The following HACE1 variants were observed in gnomAD, a reference collection of about 807,000 sequenced individuals.
HACE1 encodes HECT domain and ankyrin repeat containing E3 ubiquitin protein ligase 1.
Under a neutral mutation model 118.4 loss-of-function variants are expected in HACE1, and 73 were observed. That is an observed-to-expected ratio of 0.62 (90% CI 0.51 to 0.75). The LOEUF (loss-of-function observed/expected upper bound fraction) is 0.75, where lower values mean the gene tolerates loss of function less well. HACE1 is among the 30% of genes least tolerant of loss of function. The pLI is 0.00. For missense variants in HACE1, 749 were observed against 1,102.2 expected, an observed-to-expected ratio of 0.68 and a Z score of 4.54; for synonymous variants, 368 against 374.8, an observed-to-expected ratio of 0.98 and a Z score of 0.21.
chr6:104,812,120 TA>T (rs11324245), intron 6 of HACE1, among the ~76,000 whole-genome samples: 79,763 of 149,746 alleles, frequency 0.53, 21,645 homozygotes, highest in African/African-American at 0.67. Flanking sequence ...TGAAAACCTT[TA>T]AAAAAAAAAA....
intron 14 of HACE1, among the ~76,000 whole-genome samples, chr6:104,781,675 C>T (rs1394359422): frequency 1.3e-5 from 2 of 152,090 alleles, no homozygotes; most frequent in Non-Finnish European, 2.9e-5. Flanking sequence ...CTGACATGGC[C>T]CCTGCATCCC....
intron 7 of HACE1, among the ~76,000 whole-genome samples, chr6:104,802,099 G>C (rs571384553): frequency 3.3e-5 from 5 of 150,000 alleles, no homozygotes; most frequent in African/African-American, 1.2e-4. Flanking sequence ...TTAGACGAAG[G>C]AAGATCAAAA....
chr6:104,829,554 G>C (rs1773654727), intron 6 of HACE1, among the ~76,000 whole-genome samples: 2 of 152,132 alleles, frequency 1.3e-5, no homozygotes, highest in Admixed American at 1.3e-4. Context: ...AAAATAATCA[G>C]TGCTAAGCAT....
chr6:104,730,530 A>T, intron 22 of HACE1, 114 bp from the exon 23 acceptor site: 1 of 690,140 alleles, frequency 1.4e-6, no homozygotes, highest in Non-Finnish European at 2.6e-6. Context: ...CAATGACAAC[A>T]CGACACTTTT....
chr6:104,751,478 T>A (rs1292852695), intron 19 of HACE1, among the ~76,000 whole-genome samples: 1 of 152,058 alleles, frequency 6.6e-6, no homozygotes, highest in Non-Finnish European at 1.5e-5. Flanking sequence ...TAACTGGTAA[T>A]AAGCAGAGGG....
intron 19 of HACE1, among the ~76,000 whole-genome samples, chr6:104,761,426 C>T (rs558461656): frequency 1.5e-4 from 23 of 152,142 alleles, no homozygotes; most frequent in Admixed American, 5.9e-4. Flanking sequence ...TTGACAAATC[C>T]GACACACATA....
chr6:104,751,605 G>A (rs769076847), intron 19 of HACE1, among the ~76,000 whole-genome samples: 1 of 151,820 alleles, frequency 6.6e-6, no homozygotes, highest in African/African-American at 2.4e-5. Flanking sequence ...ACTCCAACCC[G>A]GGCAACAGGG....
chr6:104,810,511 A>C (rs1202211103), intron 7 of HACE1, among the ~76,000 whole-genome samples: 2 of 152,102 alleles, frequency 1.3e-5, no homozygotes, highest in Non-Finnish European at 2.9e-5. Context: ...TTTAAATCAA[A>C]AAGAAGAATT....
At chr6:104,847,902 A>T (rs1369047409) in intron 4 of HACE1, among the ~76,000 whole-genome samples, 1 of 151,814 alleles carries the variant, frequency 6.6e-6, no homozygotes, top group Non-Finnish European at 1.5e-5. Flanking sequence ...ACTGCAACCT[A>T]GCTCTCCCGG....
rs1357708945 is a variant in HACE1 at position 104,815,810 on chromosome 6, C to T, written c.535-4417G>A. 5.0e-5 allele frequency among the ~76,000 whole-genome samples: 7 copies of T among 139,056 alleles called. 3 individuals are homozygous for T. The highest frequency in any genetic ancestry group is 1.1e-4 in the African/African-American group (4 of 34,992). The allele number at this position is 139,056 out of a possible 152,430, so 91.2% of individuals were successfully genotyped here. ...ACAGAGGGCCAGGCACAGTGGCTCACGCCTGTAATCCCAGCACTTTGGGAG... is the reference window on the plus strand; with the variant it reads ...ACAGAGGGCCAGGCACAGTGGCTCATGCCTGTAATCCCAGCACTTTGGGAG... On this transcript the variant is annotated intron_variant, in intron 6 of 23. Transcript: ENST00000262903.
chr6:104,837,306 G>A (rs1774641012), intron 5 of HACE1, among the ~76,000 whole-genome samples: 1 of 152,204 alleles, frequency 6.6e-6, no homozygotes, highest in African/African-American at 2.4e-5. Context: ...CAGATCAGTG[G>A]AATGAATATA....
chr6:104,809,390 T>C (rs1475060343), intron 7 of HACE1, among the ~76,000 whole-genome samples: 1 of 152,082 alleles, frequency 6.6e-6, no homozygotes, highest in Non-Finnish European at 1.5e-5. Context: ...AGCAGTAACA[T>C]GAATAAGAAA....
intron 19 of HACE1, among the ~76,000 whole-genome samples, chr6:104,752,080 C>A (rs769229028): frequency 6.6e-6 from 1 of 152,038 alleles, no homozygotes; most frequent in East Asian, 1.9e-4. Context: ...AGATTCCATA[C>A]AGCTCTCCCG....
intron 19 of HACE1, among the ~76,000 whole-genome samples, chr6:104,766,628 A>C (rs1423971670): frequency 1.3e-5 from 2 of 152,266 alleles, no homozygotes; most frequent in African/African-American, 4.8e-5. Context: ...ATTAAAATGA[A>C]ATCGTTAAAA....
chr6:104,845,098 A>G (rs1775518856), intron 4 of HACE1, among the ~76,000 whole-genome samples: 1 of 152,088 alleles, frequency 6.6e-6, no homozygotes, highest in Non-Finnish European at 1.5e-5. Context: ...TATAGTAGTA[A>G]TGTAATATGA....
chr6:104,786,937 C>G (rs1305519260), intron 11 of HACE1: 1 of 152,110 alleles, frequency 6.6e-6, no homozygotes, highest in Non-Finnish European at 1.5e-5. Context: ...ATATTTGGAA[C>G]CTTAGAAAAT....
At chr6:104,816,518 G>T (rs1772133570) in intron 6 of HACE1, among the ~76,000 whole-genome samples, 1 of 152,232 alleles carries the variant, frequency 6.6e-6, no homozygotes, top group Admixed American at 6.5e-5. Context: ...CAAGAGATGA[G>T]GTTTTGAAAC....
At chr6:104,752,252 T>C (rs1778141273) in intron 19 of HACE1, among the ~76,000 whole-genome samples, 1 of 152,152 alleles carries the variant, frequency 6.6e-6, no homozygotes, top group South Asian at 2.1e-4. Context: ...AGGTACTTAT[T>C]ATAGAGAGGG....
At chr6:104,797,927 G>A (rs916883035) in intron 7 of HACE1, among the ~76,000 whole-genome samples, 3 of 151,930 alleles carry the variant, frequency 2.0e-5, no homozygotes, top group Admixed American at 6.6e-5. Flanking sequence ...AATTAGCTGG[G>A]CATGGTAGCC....
Sources: gnomAD v4.1 joint callset for allele counts (sites outside exome capture counted in the v4.1 genomes callset) on GRCh38, gnomAD v4.1.1 for gene constraint, MANE v1.5 for transcripts, NCBI Gene and HGNC (gene_info 2026-07-23, HGNC 2026-07-21) for gene names.